ABLIM1: variants seen among roughly 807,000 people sequenced by gnomAD.
The protein encoded by ABLIM1 is actin-binding LIM protein 1.
Under a neutral mutation model 107.0 loss-of-function variants are expected in ABLIM1, and 40 were observed. The observed-to-expected ratio is 0.37, with a 90% CI of 0.29 to 0.49. ABLIM1 has a LOEUF of 0.49. ABLIM1 is among the 20% of genes least tolerant of loss of function. The probability of loss-of-function intolerance (pLI) is 0.97; values close to 1 mark genes in which losing one functional copy is unlikely to be tolerated. For missense variants in ABLIM1, 857 were observed against 1,008.5 expected (o/e 0.85, Z 2.04); for synonymous variants, 357 against 357.3 (o/e 1.00, Z 0.01).
chr10:114,549,062 T>C (rs1294992059), intron 4 of ABLIM1, among the ~76,000 whole-genome samples: 2 of 152,214 alleles, frequency 1.3e-5, no homozygotes, highest in Non-Finnish European at 2.9e-5. Context: ...CTAGAACTGC[T>C]TCTAATCCTT....
chr10:114,561,324 C>G (rs1193800739), intron 4 of ABLIM1, among the ~76,000 whole-genome samples: 3 of 152,226 alleles, frequency 2.0e-5, no homozygotes, highest in African/African-American at 7.2e-5. Context: ...TTAGTACTTT[C>G]ATCACGTGAC....
intron 1 of ABLIM1, among the ~76,000 whole-genome samples, chr10:114,683,130 G>A (rs2080817074): frequency 6.6e-6 from 1 of 152,202 alleles, no homozygotes; most frequent in Admixed American, 6.5e-5. Context: ...CTATATTTGA[G>A]GAAAGTCCAG....
intron 12 of ABLIM1, among the ~76,000 whole-genome samples, chr10:114,453,687 G>T (rs977340140): frequency 1.3e-5 from 2 of 152,218 alleles, no homozygotes; most frequent in African/African-American, 4.8e-5. Flanking sequence ...TTTGAACTCA[G>T]GTGGAGCTGG....
chr10:114,658,901 G>C (rs1430330233), upstream of ABLIM1, among the ~76,000 whole-genome samples: 1 of 152,134 alleles, frequency 6.6e-6, no homozygotes, highest in Non-Finnish European at 1.5e-5. Flanking sequence ...TTAACATGTA[G>C]GTAGCTTCAG....
rs535255237 is a variant in ABLIM1 at position 114,523,370 on chromosome 10, C to T, written c.894+21635G>A. Among the ~76,000 whole-genome samples, 5 of 152,210 alleles carry T rather than the reference C, an allele frequency of 3.3e-5. No homozygotes were observed. In the East Asian group the frequency reaches 9.7e-4, roughly 29 times the overall value. On this transcript the variant is annotated intron_variant, in intron 6 of 22. Coordinates refer to ENST00000533213, the MANE Select transcript of ABLIM1 (RefSeq NM_002313.7). Reference sequence around the variant, plus strand: ...CAGGTAGGTTCTCTGGGCAGCACCACCTGACTCCCCACAGGACACATAGAT... The same window carrying T: ...CAGGTAGGTTCTCTGGGCAGCACCATCTGACTCCCCACAGGACACATAGAT...
chr10:114,672,606 T>C (rs578072727), intron 1 of ABLIM1, among the ~76,000 whole-genome samples: 2 of 152,252 alleles, frequency 1.3e-5, no homozygotes, highest in Non-Finnish European at 2.9e-5. Flanking sequence ...TGATGTCCTT[T>C]GATGAACAAC....
chr10:114,611,569 C>CT (rs1181951419), intron 1 of ABLIM1, among the ~76,000 whole-genome samples: 2 of 152,176 alleles, frequency 1.3e-5, no homozygotes, highest in African/African-American at 4.8e-5. Context: ...ATAAAAGACG[C>CT]TGTCAGCAAC....
At chr10:114,656,684 A>C (rs1265498301) in intron 1 of ABLIM1, among the ~76,000 whole-genome samples, 2 of 152,380 alleles carry the variant, frequency 1.3e-5, no homozygotes, top group African/African-American at 4.8e-5. Context: ...AATGTCCATC[A>C]GCTGGTGTAA....
At chr10:114,767,751 C>G (rs1375228842) in intron 1 of ABLIM1, among the ~76,000 whole-genome samples, 1 of 152,188 alleles carries the variant, frequency 6.6e-6, no homozygotes, top group Admixed American at 6.5e-5. Flanking sequence ...TCCTGGCCAG[C>G]CCTTCCACAG....
At chr10:114,486,175 T>A (rs1212307548) in intron 8 of ABLIM1, among the ~76,000 whole-genome samples, 1 of 152,188 alleles carries the variant, frequency 6.6e-6, no homozygotes, top group Non-Finnish European at 1.5e-5. Context: ...GAGTTTTCCA[T>A]CAAGATGTTA....
chr10:114,699,539 G>A (rs1364826114), intron 1 of ABLIM1, among the ~76,000 whole-genome samples: 2 of 152,034 alleles, frequency 1.3e-5, no homozygotes, highest in Non-Finnish European at 2.9e-5. Flanking sequence ...GAAGAGAAGT[G>A]AGGTGGAAGG....
chr10:114,634,129 C>CTTTTTTTTTTT (rs745875295), intron 1 of ABLIM1, among the ~76,000 whole-genome samples: 737 of 68,270 alleles, frequency 0.011, 153 homozygotes, highest in African/African-American at 0.042. Context: ...CTCAATTTTT[C>CTTTTTTTTTTT]TTTTTTTTTT....
intron 10 of ABLIM1, among the ~76,000 whole-genome samples, chr10:114,472,296 G>A (rs897061614): frequency 1.3e-5 from 2 of 151,926 alleles, no homozygotes; most frequent in Non-Finnish European, 2.9e-5. Flanking sequence ...CAACTATGTT[G>A]TCCAGGGTGG....
intron 12 of ABLIM1, chr10:114,463,234 C>T: frequency 1.7e-6 from 2 of 1,193,312 alleles, no homozygotes; most frequent in Non-Finnish European, 2.1e-6. Flanking sequence ...AACACAGGAG[C>T]AGGGAAAGTG....
intron 1 of ABLIM1, among the ~76,000 whole-genome samples, chr10:114,631,595 T>TG (rs1307279134): frequency 6.6e-6 from 1 of 151,704 alleles, no homozygotes; most frequent in African/African-American, 2.4e-5. Flanking sequence ...ATGGCTGGGA[T>TG]GGGGGGCAAG....
intron 6 of ABLIM1, among the ~76,000 whole-genome samples, chr10:114,505,865 C>A (rs913639357): frequency 2.0e-5 from 3 of 152,160 alleles, no homozygotes; most frequent in African/African-American, 4.8e-5. Context: ...GTCTTGTTTT[C>A]TCTTGACTTT....
upstream of ABLIM1, among the ~76,000 whole-genome samples, chr10:114,687,345 T>A (rs2080965043): frequency 6.6e-6 from 1 of 151,896 alleles, no homozygotes; most frequent in African/African-American, 2.4e-5. Context: ...CTAGAAAGGG[T>A]TTTAGAGATA....
chr10:114,663,874 C>T (rs771921044), intron 1 of ABLIM1, among the ~76,000 whole-genome samples: 4 of 152,196 alleles, frequency 2.6e-5, no homozygotes, highest in African/African-American at 7.2e-5. Flanking sequence ...AGCAGGTACA[C>T]GGTGCCTGCC....
At chr10:114,682,721 C>G (rs561767496) in intron 1 of ABLIM1, among the ~76,000 whole-genome samples, 9 of 152,184 alleles carry the variant, frequency 5.9e-5, no homozygotes, top group Non-Finnish European at 1.3e-4. Flanking sequence ...CTCCAAATAC[C>G]TTAAAAATAT....
Sources: allele counts gnomAD v4.1 joint callset (sites outside exome capture counted in the v4.1 genomes callset), GRCh38; gene constraint gnomAD v4.1.1; transcripts MANE v1.5; gene names NCBI Gene and HGNC (gene_info 2026-07-23, HGNC 2026-07-21).